Variants in SNX29 observed in about 807,000 individuals in gnomAD.
SNX29 encodes the protein sorting nexin 29.
SNX29 carries 78 observed loss-of-function variants against 102.1 expected under a neutral mutation model. That is an observed-to-expected ratio of 0.76 (90% CI 0.64 to 0.92). The LOEUF (loss-of-function observed/expected upper bound fraction) is 0.92. Among genes scored for constraint, SNX29 ranks in the 40% least tolerant of loss-of-function variants. SNX29 has a pLI of 0.00. For missense variants in SNX29, 1,280 were observed against 1,061.7 expected (o/e 1.21, Z -2.86); for synonymous variants, 580 against 414.5 (o/e 1.40, Z -4.85).
At chr16:12,247,345 AG>A (rs1246357229) in intron 14 of SNX29, among the ~76,000 whole-genome samples, 1 of 152,216 alleles carries the variant, frequency 6.6e-6, no homozygotes, top group Non-Finnish European at 1.5e-5. Context: ...CTCTATTATC[AG>A]GATATATTCC....
At chr16:12,206,876 CG>C in intron 14 of SNX29, among the ~76,000 whole-genome samples, 1 of 141,702 alleles carries the variant, frequency 7.1e-6, no homozygotes, top group South Asian at 2.3e-4. Flanking sequence ...TGGAGTACAG[CG>C]TTTGGAACCA....
chr16:12,260,217 GGAT>G (rs1373114935), intron 14 of SNX29, among the ~76,000 whole-genome samples: 2 of 152,144 alleles, frequency 1.3e-5, no homozygotes, highest in Non-Finnish European at 2.9e-5. Flanking sequence ...TGGGTTTCAG[GGAT>G]GATGAGTCCT....
rs1172409345 is a variant in SNX29 at position 12,403,454 on chromosome 16, C to T, written c.1962C>T (p.Asn654=). The change falls in exon 18 of 21, where the codon AAC becomes AAT. Residue 654 remains asparagine (N), a synonymous_variant. Coordinates refer to ENST00000566228, the MANE Select transcript of SNX29 (RefSeq NM_032167.5). ...DQSLSDFEIS[N]RALINVWIPS... is the part of the protein sequence containing the mutation. ...CTCTCTTCCTTTTGGTTAGATCAAA[C>T]CGGGCGCTGATCAACGTCTGGATCC... 6.2e-7 allele frequency: 1 copy of T among 1,606,668 alleles called. No individual in the cohort carries two copies. Among genetic ancestry groups the T allele is most frequent in the Non-Finnish European group, 8.5e-7 (1 of 1,176,386 alleles).
intron 14 of SNX29, among the ~76,000 whole-genome samples, chr16:12,228,174 C>T (rs1378085243): frequency 6.6e-6 from 1 of 152,192 alleles, no homozygotes; most frequent in East Asian, 1.9e-4. Context: ...AGGCCCCCAG[C>T]CGAGCTGTAG....
At chr16:12,131,421 C>A (rs541752178) in intron 13 of SNX29, among the ~76,000 whole-genome samples, 9 of 152,256 alleles carry the variant, frequency 5.9e-5, no homozygotes, top group African/African-American at 2.2e-4. Context: ...GTAATCTATG[C>A]CTGTGATTGT....
intron 20 of SNX29, among the ~76,000 whole-genome samples, chr16:12,562,477 C>T (rs547508801): frequency 6.6e-6 from 1 of 152,174 alleles, no homozygotes; most frequent in Non-Finnish European, 1.5e-5. Flanking sequence ...GCTAGGAACT[C>T]GAGTCCTAGA....
chr16:12,272,602 A>C (rs1430575757), intron 14 of SNX29, among the ~76,000 whole-genome samples: 4 of 152,246 alleles, frequency 2.6e-5, no homozygotes, highest in Admixed American at 2.0e-4. Context: ...TACATAGTTT[A>C]CATATCACTA....
chr16:11,981,248 G>T (rs191007535), intron 1 of SNX29, among the ~76,000 whole-genome samples: 4 of 152,104 alleles, frequency 2.6e-5, no homozygotes, highest in African/African-American at 9.7e-5. Context: ...GGGATTACAG[G>T]CATGAGCCAC....
Position 12,573,400 on chromosome 16 carries a change from A to C in SNX29, c.*4771A>C, listed in dbSNP as rs921177315. ...GTATCCTTCCTTATAGCTAGTTTCT[A>C]TAGAGAAGTGAAAAAGAAATCTGGC... On this transcript the variant is annotated 3_prime_UTR_variant, in exon 21 of 21. Coordinates refer to ENST00000566228, the MANE Select transcript of SNX29 (RefSeq NM_032167.5). 4.5e-6 allele frequency: 1 copy of C among 224,082 alleles called. No individual in the cohort carries two copies. The highest frequency in any genetic ancestry group is 1.8e-4 in the South Asian group (1 of 5,444). 13.9% of individuals were successfully genotyped at this position (224,082 alleles called of 1,614,324 possible).
At chr16:12,397,643 A>G (rs1342882830) in intron 16 of SNX29, among the ~76,000 whole-genome samples, 2 of 152,204 alleles carry the variant, frequency 1.3e-5, no homozygotes, top group East Asian at 3.9e-4. Context: ...CAAAAAAAGA[A>G]GCTCATTCCC....
At chr16:12,445,692 C>G (rs1174822115) in intron 18 of SNX29, among the ~76,000 whole-genome samples, 1 of 152,212 alleles carries the variant, frequency 6.6e-6, no homozygotes, top group Admixed American at 6.5e-5. Context: ...CTTTCTGCAG[C>G]CCATCAGCTT....
chr16:12,277,894 C>T (rs2079304699), intron 14 of SNX29, 39 bp from the exon 15 acceptor site: 4 of 1,532,218 alleles, frequency 2.6e-6, no homozygotes, highest in African/African-American at 1.4e-5. Flanking sequence ...ATTTTCGATA[C>T]TGTTGAAATA....
chr16:12,423,244 G>T (rs990531670), intron 18 of SNX29, among the ~76,000 whole-genome samples: 3 of 151,586 alleles, frequency 2.0e-5, no homozygotes, highest in South Asian at 2.1e-4. Flanking sequence ...TTCCCATGCC[G>T]CAGGCCCTGG....
rs148477031 is a variant in SNX29, at chr16:12,502,892, C to T, written c.2179-21810C>T. 3.2e-3 allele frequency among the ~76,000 whole-genome samples: 488 copies of T among 152,238 alleles called. 5 individuals are homozygous for T. The highest frequency in any genetic ancestry group is 0.011 in the African/African-American group (474 of 41,534). On this transcript the variant is annotated intron_variant, in intron 19 of 20. Coordinates refer to ENST00000566228, the MANE Select transcript of SNX29 (RefSeq NM_032167.5). ...GGTCACTACTTTAGAATTACAGGAGCGATTAGAGCTGCCAGTAGATCTTGT... is the reference window on the plus strand; with the variant it reads ...GGTCACTACTTTAGAATTACAGGAGTGATTAGAGCTGCCAGTAGATCTTGT...
chr16:12,142,851 G>A (rs1226208840), intron 13 of SNX29, among the ~76,000 whole-genome samples: 1 of 151,884 alleles, frequency 6.6e-6, no homozygotes, highest in Non-Finnish European at 1.5e-5. Context: ...CTGAGCCACC[G>A]CTTCTGGCCG....
intron 15 of SNX29, among the ~76,000 whole-genome samples, chr16:12,342,967 G>A (rs80311912): frequency 1.3e-5 from 2 of 152,192 alleles, no homozygotes; most frequent in Admixed American, 1.3e-4. Context: ...CAGCTTTACG[G>A]GAGTGCTGTT....
intron 11 of SNX29, among the ~76,000 whole-genome samples, chr16:12,105,355 G>C (rs2053192339): frequency 6.6e-6 from 1 of 151,998 alleles, no homozygotes; most frequent in Non-Finnish European, 1.5e-5. Context: ...CACCCGAGTA[G>C]CTGGGATTAC....
At chr16:12,485,956 C>G (rs2088208817) in intron 19 of SNX29, among the ~76,000 whole-genome samples, 1 of 152,190 alleles carries the variant, frequency 6.6e-6, no homozygotes, top group Admixed American at 6.5e-5. Context: ...TTCTGTACAT[C>G]CCGGATCAGT....
intron 10 of SNX29, among the ~76,000 whole-genome samples, chr16:12,069,624 G>C (rs375511559): frequency 1.9e-4 from 29 of 152,162 alleles, no homozygotes; most frequent in African/African-American, 6.3e-4. Flanking sequence ...CAGAGAGACT[G>C]TATAAGAGAT....
Sources: gnomAD v4.1 joint callset for allele counts (sites outside exome capture counted in the v4.1 genomes callset) on GRCh38, gnomAD v4.1.1 for gene constraint, MANE v1.5 for transcripts, NCBI Gene and HGNC (gene_info 2026-07-23, HGNC 2026-07-21) for gene names.